ASPM: variants seen among roughly 807,000 people sequenced by gnomAD.
The protein encoded by ASPM is abnormal spindle-like microcephaly-associated protein.
Under a neutral mutation model 366.4 loss-of-function variants are expected in ASPM, and 256 were observed. The ratio of observed to expected loss-of-function variants is 0.70; its 90% CI spans 0.63 to 0.77. ASPM has a LOEUF of 0.77. ASPM is among the 30% of genes least tolerant of loss of function. The pLI, the probability that ASPM is intolerant of heterozygous loss-of-function variation, is 0.00. For missense variants in ASPM, 4,146 were observed against 4,090.4 expected (o/e 1.01, Z -0.37); for synonymous variants, 1,414 against 1,342.9 (o/e 1.05, Z -1.16).
chr1:197,095,173 C>A (rs1656931338), intron 19 of ASPM, among the ~76,000 whole-genome samples: 1 of 151,658 alleles, frequency 6.6e-6, no homozygotes, highest in Non-Finnish European at 1.5e-5. Flanking sequence ...TATTGTGCTA[C>A]TAAACAGTAA....
At chr1:197,084,463 G>T (rs772034841) in intron 27 of ASPM, 37 bp from the exon 28 acceptor site, 2 of 1,432,394 alleles carry the variant, frequency 1.4e-6, no homozygotes, top group Non-Finnish European at 2.0e-6. Flanking sequence ...CATTAATAAA[G>T]TTCTTCTCTT....
At chr1:197,109,928 A>C (rs1476900466) in intron 17 of ASPM, among the ~76,000 whole-genome samples, 1 of 152,108 alleles carries the variant, frequency 6.6e-6, no homozygotes, top group East Asian at 1.9e-4. Context: ...TGAACAACTC[A>C]AAGATCTAAA....
chr1:197,109,578 T>G (rs2125098893), intron 17 of ASPM, among the ~76,000 whole-genome samples: 1 of 152,150 alleles, frequency 6.6e-6, no homozygotes, highest in East Asian at 1.9e-4. Context: ...ATCTTACCAC[T>G]CCTATTTAGC....
At position 197,142,940 on chromosome 1, in the gene ASPM, T is replaced by G. The variant is rs1658642031; in HGVS notation, c.1312A>C (p.Ile438Leu). Residue 438 changes from isoleucine to leucine, a missense_variant, in exon 3 of 28, where the codon ATT becomes CTT. Physicochemically the swap from Ile to Leu is conservative, Grantham distance 5 (BLOSUM62 2). Coordinates refer to ENST00000367409, the MANE Select transcript of ASPM (RefSeq NM_018136.5). ...GATTTTGAACCCTGACATTCAGGAA[T>G]ACGTGGCGAAACTTCACTTTTTCTC... ...DWRKSEVSPRIPECQGSKSPK... is the reference protein window; with the variant it reads ...DWRKSEVSPRLPECQGSKSPK... 6.2e-7 allele frequency: 1 copy of G among 1,614,004 alleles called. No individual in the cohort carries two copies. Among genetic ancestry groups the G allele is most frequent in the Non-Finnish European group, 8.5e-7 (1 of 1,179,866 alleles).
At position 197,143,516 on chromosome 1, in the gene ASPM, T is replaced by A; in HGVS notation, c.736A>T (p.Thr246Ser). The A allele has an allele frequency of 6.2e-7, 1 of 1,614,004 alleles. No individual in the cohort carries two copies. The highest frequency in any genetic ancestry group is 1.1e-5 in the South Asian group (1 of 91,080). ...CLPLSVRRST[T>S]YSSLHASENR... ...TCTGATGCATGAAGAGATGAGTAGG[T>A]AGTAGATCGACGTACAGAGAGTGGC... Residue 246 changes from threonine to serine, a missense_variant, in exon 3 of 28, where the codon ACC becomes TCC. By Grantham distance (58) the Thr-to-Ser change is moderately conservative. Coordinates refer to ENST00000367409, the MANE Select transcript of ASPM (RefSeq NM_018136.5).
chr1:197,135,206 T>G lies in ASPM; in HGVS notation c.2063A>C (p.Asn688Thr). The G allele has an allele frequency of 3.1e-6, 5 of 1,613,968 alleles. No individual in the cohort carries two copies. Among genetic ancestry groups the G allele is most frequent in the Non-Finnish European group, 3.4e-6 (4 of 1,179,906 alleles). ...PRHPMPFAAKNMFYDERWKEK... is the reference protein window; with the variant it reads ...PRHPMPFAAKTMFYDERWKEK... ...CTTCCAGCGTTCATCATAAAACATGTTTTTTGCAGCAAATGGCATCGGGTG... is the reference window on the plus strand; with the variant it reads ...CTTCCAGCGTTCATCATAAAACATGGTTTTTGCAGCAAATGGCATCGGGTG... Residue 688 changes from asparagine (N) to threonine (T), a missense_variant, in exon 5 of 28, where the codon AAC (asparagine) becomes ACC (threonine). Around this residue, in one of 3 missense-constraint regions of ASPM, gnomAD observed 3,624 missense variants for 3,591.7 expected, o/e 1.01. Transcript: ENST00000367409.
Position 197,100,905 on chromosome 1 carries a change from A to G in ASPM, c.8346T>C (p.Thr2782=). 6.2e-7 allele frequency: 1 copy of G among 1,612,710 alleles called. No individual in the cohort carries two copies. Among genetic ancestry groups the G allele is most frequent in the Middle Eastern group, 1.7e-4 (1 of 6,056 alleles). The stretch of plus-strand genomic sequence containing the variant: ...CTTCACTTTGAACAGCTTCATACTG[A>G]GTTTTACTTCTGTAACAGCAGAGTG... The part of the protein sequence containing the change: ...QSALCCYRSK[T]QYEAVQSEGV... Residue 2782 remains threonine (T), a synonymous_variant, in exon 18 of 28, where the codon ACT becomes ACC. Coordinates refer to ENST00000367409, the MANE Select transcript of ASPM (RefSeq NM_018136.5).
chr1:197,103,176 T>C lies in ASPM; in HGVS notation c.6075A>G (p.Val2025=). The stretch of plus-strand genomic sequence containing the variant: ...TACCACGATAAGCTGACTGTAAAGT[T>C]ACTACAGCTGCTTTTGTTTTCAAAT... ...HLYLKTKAAV[V]TLQSAYRGMK... is the part of the protein sequence containing the mutation. Residue 2025 remains valine (V), a synonymous_variant, in exon 18 of 28, where the codon GTA becomes GTG. Transcript: ENST00000367409. The C allele has an allele frequency of 6.2e-7, 1 of 1,612,624 alleles. No homozygotes were observed. Among genetic ancestry groups the C allele is most frequent in the Non-Finnish European group, 8.5e-7 (1 of 1,179,322 alleles).
rs1285704596 is a variant in ASPM, at chr1:197,089,999, A to G, written c.9915T>C (p.Ser3305=). Residue 3305 remains serine, a synonymous_variant, in exon 25 of 28, where the codon AGT becomes AGC. Coordinates refer to ENST00000367409, the MANE Select transcript of ASPM (RefSeq NM_018136.5). ...AISKIFVLIR[S]CNRSIPCMEV... The stretch of plus-strand genomic sequence containing the variant: ...CCATACAAGGAATACTGCGATTACA[A>G]CTTCGGATCAAAACAAATATTTTAG... The G allele has an allele frequency of 3.7e-6, 6 of 1,613,478 alleles. No individual in the cohort carries two copies. The highest frequency in any genetic ancestry group is 5.1e-6 in the Non-Finnish European group (6 of 1,179,618).
At chr1:197,087,321 C>T (rs889966137) in intron 26 of ASPM, among the ~76,000 whole-genome samples, 3 of 152,110 alleles carry the variant, frequency 2.0e-5, no homozygotes, top group African/African-American at 4.8e-5. Flanking sequence ...CGTGATCTGC[C>T]TACCTCAGCC....
At chr1:197,121,592 T>C (rs1017022944) in intron 16 of ASPM, among the ~76,000 whole-genome samples, 18 of 152,084 alleles carry the variant, frequency 1.2e-4, no homozygotes, top group Non-Finnish European at 2.2e-4. Context: ...GCAGGTTAGA[T>C]TCCAACAGGA....
In ASPM at chr1:197,130,934, G is replaced by T. The variant is rs578104525; in HGVS notation, c.2488-878C>A. On this transcript the variant is annotated intron_variant, in intron 7 of 27. Coordinates refer to ENST00000367409, the MANE Select transcript of ASPM (RefSeq NM_018136.5). The stretch of plus-strand genomic sequence containing the variant: ...CATCCAAGAGGTTTTAAAAAGCATT[G>T]CAAGGTTCCACACAAAGTTCTTGAT... 2.3e-4 allele frequency among the ~76,000 whole-genome samples: 35 copies of T among 152,324 alleles called. 1 individual carries two copies. Among genetic ancestry groups the T allele is most frequent in the African/African-American group, 8.4e-4 (35 of 41,564 alleles).
At chr1:197,139,525 TCTAG>T (rs1658519765) in intron 4 of ASPM, among the ~76,000 whole-genome samples, 1 of 152,196 alleles carries the variant, frequency 6.6e-6, no homozygotes, top group South Asian at 2.1e-4. Context: ...GTTATTCTCT[TCTAG>T]CTATTTTGAA....
chr1:197,140,842 G>A (rs534890365), intron 3 of ASPM, among the ~76,000 whole-genome samples: 1 of 152,128 alleles, frequency 6.6e-6, no homozygotes, highest in East Asian at 1.9e-4. Flanking sequence ...AATCAGAGGA[G>A]AGTTATTTTA....
chr1:197,112,935 G>T (rs528566428), intron 17 of ASPM, among the ~76,000 whole-genome samples: 6 of 151,824 alleles, frequency 4.0e-5, no homozygotes, highest in Non-Finnish European at 5.9e-5. Context: ...AAATTTTGGG[G>T]GTTCATATAA....
At chr1:197,128,892 C>T (rs924378099) in intron 9 of ASPM, among the ~76,000 whole-genome samples, 1 of 151,988 alleles carries the variant, frequency 6.6e-6, no homozygotes, top group Non-Finnish European at 1.5e-5. Flanking sequence ...TTATATACTA[C>T]ATCAAAATTA....
In ASPM at chr1:197,122,600, T is replaced by C. The variant is rs902822092; in HGVS notation, c.3391-5A>G. 11 of 1,595,498 alleles carry C rather than the reference T, an allele frequency of 6.9e-6. No homozygotes were observed. Among genetic ancestry groups the C allele is most frequent in the Non-Finnish European group, 9.4e-6 (11 of 1,169,362 alleles). The stretch of plus-strand genomic sequence containing the variant: ...AGACACTGTAAAATTCTCCACCTGA[T>C]TGAAAATGCCAGAAAAACAATTAAC... On this transcript the variant is annotated splice_region_variant and splice_polypyrimidine_tract_variant and intron_variant, in intron 13 of 27. Coordinates refer to ENST00000367409, the MANE Select transcript of ASPM (RefSeq NM_018136.5).
intron 3 of ASPM, 102 bp downstream of exon 3, chr1:197,142,229 G>A (rs1187427330): frequency 7.8e-7 from 1 of 1,286,952 alleles, no homozygotes; most frequent in Non-Finnish European, 1.1e-6. Context: ...CAGCAAATAA[G>A]TAAAAACTAT....
chr1:197,143,895 A>G, intron 2 of ASPM, 62 bp downstream of exon 2: 2 of 1,549,290 alleles, frequency 1.3e-6, no homozygotes, highest in South Asian at 1.1e-5. Flanking sequence ...TGTTATCAAA[A>G]TAAGTTTTAT....
Sources: allele counts gnomAD v4.1 joint callset (sites outside exome capture counted in the v4.1 genomes callset), GRCh38; gene constraint gnomAD v4.1.1; regional missense constraint gnomAD v4.1.1; transcripts MANE v1.5; gene names NCBI Gene and HGNC (gene_info 2026-07-23, HGNC 2026-07-21).